Variants in XRCC2 observed in about 807,000 individuals in gnomAD.
XRCC2 encodes the protein X-ray repair cross complementing 2.
In XRCC2, 24 loss-of-function variants were observed where a neutral mutation model predicts 27.3. The ratio of observed to expected loss-of-function variants is 0.88; its 90% CI spans 0.64 to 1.24. The LOEUF (loss-of-function observed/expected upper bound fraction) is 1.24. Among genes scored for constraint, XRCC2 ranks in the 50% most tolerant of loss-of-function variants. XRCC2 has a pLI of 0.00. For missense variants in XRCC2, 321 were observed against 325.8 expected, an observed-to-expected ratio of 0.99 and a Z score of 0.11; for synonymous variants, 106 against 115.4, an observed-to-expected ratio of 0.92 and a Z score of 0.52.
At chr7:152,665,558 T>A (rs1470077941) in intron 1 of XRCC2, among the ~76,000 whole-genome samples, 1 of 134,120 alleles carries the variant, frequency 7.5e-6, no homozygotes, top group African/African-American at 2.7e-5. Context: ...AATGGCACGA[T>A]GAGACTCAAC....
intron 2 of XRCC2, among the ~76,000 whole-genome samples, chr7:152,654,657 G>C (rs1038644595): frequency 2.0e-5 from 3 of 152,250 alleles, no homozygotes; most frequent in African/African-American, 7.2e-5. Flanking sequence ...AACGGCACTA[G>C]CCTAGGCATT....
chr7:152,656,168 A>G (rs1418577066), intron 2 of XRCC2, among the ~76,000 whole-genome samples: 9 of 152,080 alleles, frequency 5.9e-5, no homozygotes, highest in African/African-American at 1.9e-4. Context: ...GTTTATCTAT[A>G]TAACAAACCT....
At chr7:152,660,920 A>AAGTATTGGGAT in intron 1 of XRCC2, 138 bp from the exon 2 acceptor site, 1 of 698,314 alleles carries the variant, frequency 1.4e-6, no homozygotes, top group Non-Finnish European at 2.3e-6. Flanking sequence ...TGTAATCCCA[A>AAGTATTGGGAT]TACTTTGGGA....
chr7:152,651,811 G>A (rs1048977522), intron 2 of XRCC2, among the ~76,000 whole-genome samples: 3 of 151,846 alleles, frequency 2.0e-5, no homozygotes, highest in African/African-American at 7.3e-5. Context: ...ACCATGCCTG[G>A]CTTCAGCTTT....
At chr7:152,659,108 T>G (rs2098031991) in intron 2 of XRCC2, among the ~76,000 whole-genome samples, 2 of 152,212 alleles carry the variant, frequency 1.3e-5, no homozygotes, top group African/African-American at 4.8e-5. Context: ...AGGGTTACAA[T>G]TTCTCCACAT....
chr7:152,673,251 C>T (rs1435367029), intron 1 of XRCC2, among the ~76,000 whole-genome samples: 3 of 152,014 alleles, frequency 2.0e-5, no homozygotes, highest in Non-Finnish European at 2.9e-5. Flanking sequence ...GGCGTGATGT[C>T]GGCTCACTGA....
At chr7:152,674,680 TATAA>T (rs1245834215) in intron 1 of XRCC2, among the ~76,000 whole-genome samples, 1 of 64,134 alleles carries the variant, frequency 1.6e-5, no homozygotes, top group Non-Finnish European at 3.1e-5. Context: ...TAATCTATAT[TATAA>T]ATATATTTTT....
intron 1 of XRCC2, among the ~76,000 whole-genome samples, chr7:152,671,029 A>G (rs1333347451): frequency 6.6e-6 from 1 of 152,154 alleles, no homozygotes; most frequent in Non-Finnish European, 1.5e-5. Flanking sequence ...AGCCTGGCCA[A>G]TATGGTGAAA....
At chr7:152,652,895 A>G (rs1434158502) in intron 2 of XRCC2, among the ~76,000 whole-genome samples, 1 of 152,210 alleles carries the variant, frequency 6.6e-6, no homozygotes, top group Admixed American at 6.5e-5. Flanking sequence ...AGCAGGTAAG[A>G]AAGTCCTAGA....
chr7:152,672,339 ATT>A (rs2098038510), intron 1 of XRCC2, among the ~76,000 whole-genome samples: 1 of 152,170 alleles, frequency 6.6e-6, no homozygotes, highest in Non-Finnish European at 1.5e-5. Context: ...AACATTAAAT[ATT>A]TGTCTTATGT....
At position 152,662,635 on chromosome 7, in the gene XRCC2, G is replaced by C. The variant is rs1450893520; in HGVS notation, c.40-1853C>G. The stretch of plus-strand genomic sequence containing the variant: ...TCGCCCAGGCTGGAGTGCAGTGGCG[G>C]GATCTCGGCTCACTGCAAGCTCCGC... On this transcript the variant is annotated intron_variant, in intron 1 of 2. Transcript: ENST00000359321. Among the ~76,000 whole-genome samples, 29 of 142,850 alleles carry C rather than the reference G, an allele frequency of 2.0e-4. 1 individual carries two copies. The East Asian group carries it at 2.3e-3, about 11-fold the overall frequency. 93.7% of individuals were successfully genotyped at this position (142,850 alleles called of 152,430 possible).
intron 1 of XRCC2, among the ~76,000 whole-genome samples, chr7:152,661,403 C>G (rs1173876687): frequency 1.3e-5 from 2 of 152,180 alleles, no homozygotes; most frequent in Non-Finnish European, 2.9e-5. Flanking sequence ...ACACAGTTAT[C>G]TGCCTTCATT....
chr7:152,674,696 A>AGT, intron 1 of XRCC2, among the ~76,000 whole-genome samples: 1 of 104,854 alleles, frequency 9.5e-6, no homozygotes, highest in Non-Finnish European at 1.7e-5. Flanking sequence ...TATATTTTTA[A>AGT]ATATATATTT....
intron 1 of XRCC2, 133 bp downstream of exon 1, chr7:152,675,908 G>T (rs1359482407): frequency 1.6e-6 from 2 of 1,222,184 alleles, no homozygotes; most frequent in African/African-American, 1.5e-5. Context: ...CGGGCGTCTA[G>T]GCCGAGAGGC....
intron 2 of XRCC2, among the ~76,000 whole-genome samples, chr7:152,658,751 G>A (rs1333911266): frequency 2.6e-5 from 4 of 152,222 alleles, no homozygotes; most frequent in Non-Finnish European, 5.9e-5. Context: ...TGTAGCACGT[G>A]ACAGAATTCT....
At chr7:152,663,832 C>T (rs1362245458) in intron 1 of XRCC2, 3 of 103,970 alleles carry the variant, frequency 2.9e-5, no homozygotes, top group Non-Finnish European at 6.8e-5. Context: ...GAGCAAGACC[C>T]TGTCCCCCTG....
chr7:152,669,088 T>C (rs2098037153), intron 1 of XRCC2, among the ~76,000 whole-genome samples: 1 of 152,112 alleles, frequency 6.6e-6, no homozygotes, highest in African/African-American at 2.4e-5. Context: ...CCTATTAAAC[T>C]GAAAATCAGG....
chr7:152,653,291 C>T (rs1187561308), intron 2 of XRCC2, among the ~76,000 whole-genome samples: 11 of 152,154 alleles, frequency 7.2e-5, no homozygotes, highest in Admixed American at 5.9e-4. Flanking sequence ...TCCCCAGCCA[C>T]ATGGAACTGT....
chr7:152,657,348 G>A (rs1301634315), intron 2 of XRCC2, among the ~76,000 whole-genome samples: 1 of 152,062 alleles, frequency 6.6e-6, no homozygotes, highest in African/African-American at 2.4e-5. Flanking sequence ...TGCCCAGGCT[G>A]GAGTGCAGTG....
Sources: allele counts gnomAD v4.1 joint callset (sites outside exome capture counted in the v4.1 genomes callset), GRCh38; gene constraint gnomAD v4.1.1; transcripts MANE v1.5; gene names NCBI Gene and HGNC (gene_info 2026-07-23, HGNC 2026-07-21).